Variants in SLC10A7 observed in about 807,000 individuals in gnomAD.
SLC10A7 encodes the protein sodium/bile acid cotransporter 7.
SLC10A7 carries 29 observed loss-of-function variants against 43.2 expected under a neutral mutation model. The observed-to-expected ratio is 0.67, with a 90% CI of 0.50 to 0.92. The LOEUF (loss-of-function observed/expected upper bound fraction) is 0.92. Among genes scored for constraint, SLC10A7 ranks in the 40% least tolerant of loss-of-function variants. The probability of loss-of-function intolerance (pLI) is 0.00; values close to 1 mark genes in which losing one functional copy is unlikely to be tolerated. For missense variants in SLC10A7, 295 were observed against 403.2 expected (o/e 0.73, Z 2.30); for synonymous variants, 152 against 144.8 (o/e 1.05, Z -0.35).
chr4:146,264,778 C>T (rs1728451509), intron 10 of SLC10A7, among the ~76,000 whole-genome samples: 1 of 152,194 alleles, frequency 6.6e-6, no homozygotes, highest in African/African-American at 2.4e-5. Flanking sequence ...TGTTCTTCCA[C>T]CTCTAGATTA....
At chr4:146,473,620 A>G (rs1733778090) in intron 4 of SLC10A7, among the ~76,000 whole-genome samples, 2 of 152,154 alleles carry the variant, frequency 1.3e-5, no homozygotes, top group South Asian at 4.1e-4. Flanking sequence ...TTTAACAGGA[A>G]AAAGTGCTTT....
At chr4:146,421,671 T>C (rs534560948) in intron 5 of SLC10A7, among the ~76,000 whole-genome samples, 1 of 152,322 alleles carries the variant, frequency 6.6e-6, no homozygotes, top group East Asian at 1.9e-4. Flanking sequence ...CATTCATTTA[T>C]TTTTTATGTG....
chr4:146,476,040 G>A (rs569760807), intron 4 of SLC10A7, among the ~76,000 whole-genome samples: 31 of 152,124 alleles, frequency 2.0e-4, no homozygotes, highest in Admixed American at 2.0e-3. Flanking sequence ...AAATCAGAAC[G>A]CTTCCTGAAA....
Position 146,256,252 on chromosome 4 carries a change from T to A in SLC10A7, c.*239A>T, listed in dbSNP as rs920323611. On this transcript the variant is annotated 3_prime_UTR_variant, in exon 12 of 12. Transcript: ENST00000335472. ...TCACTTACCATGACTGATTCCTGCA[T>A]TAGGAAAGCAAAATTAACCCCCAAA... The A allele has an allele frequency of 1.1e-5, 6 of 536,910 alleles. No individual in the cohort carries two copies. Among genetic ancestry groups the A allele is most frequent in the Non-Finnish European group, 2.0e-5 (6 of 300,642 alleles). The allele number at this position is 536,910 out of a possible 1,614,324, so 33.3% of individuals were successfully genotyped here. A position where few individuals can be genotyped will look rare whatever the true frequency, so the allele number is the denominator to read the frequency against.
chr4:146,503,689 T>C (rs545753191), intron 4 of SLC10A7, among the ~76,000 whole-genome samples, 160 bp downstream of exon 4: 1 of 152,320 alleles, frequency 6.6e-6, no homozygotes, highest in Admixed American at 6.5e-5. Context: ...TAATCAATTT[T>C]AGCATCATGC....
At chr4:146,357,882 C>A (rs1252081356) in intron 5 of SLC10A7, among the ~76,000 whole-genome samples, 2 of 152,038 alleles carry the variant, frequency 1.3e-5, no homozygotes, top group East Asian at 3.9e-4. Context: ...TGGCAGTTTT[C>A]CTACAGGTCA....
chr4:146,445,570 G>A (rs6858651), intron 4 of SLC10A7, among the ~76,000 whole-genome samples: 2,682 of 152,248 alleles, frequency 0.018, 70 homozygotes, highest in African/African-American at 0.061. Flanking sequence ...GTCCGTGGAT[G>A]GCTAGGTGTT....
intron 5 of SLC10A7, among the ~76,000 whole-genome samples, chr4:146,411,176 A>C (rs984241643): frequency 7.9e-5 from 12 of 152,146 alleles, no homozygotes; most frequent in Admixed American, 6.6e-4. Flanking sequence ...TTTTCCTTTT[A>C]AATATGTGTC....
intron 4 of SLC10A7, among the ~76,000 whole-genome samples, chr4:146,495,650 T>C (rs1238018323): frequency 6.6e-6 from 1 of 152,168 alleles, no homozygotes; most frequent in Non-Finnish European, 1.5e-5. Context: ...CTCAGACTTC[T>C]ATGACCTTCA....
chr4:146,287,384 A>T (rs1560765261), intron 9 of SLC10A7, among the ~76,000 whole-genome samples: 1 of 152,228 alleles, frequency 6.6e-6, no homozygotes, highest in Admixed American at 6.5e-5. Context: ...CCAAGAATAA[A>T]GAAGTTATCT....
chr4:146,367,364 A>T (rs915327030), intron 5 of SLC10A7, among the ~76,000 whole-genome samples: 1 of 152,202 alleles, frequency 6.6e-6, no homozygotes, highest in African/African-American at 2.4e-5. Context: ...GCCACTAGCC[A>T]CATGTAGCTA....
intron 2 of SLC10A7, among the ~76,000 whole-genome samples, chr4:146,511,832 A>G (rs1290955286): frequency 6.6e-6 from 1 of 152,224 alleles, no homozygotes; most frequent in Non-Finnish European, 1.5e-5. Flanking sequence ...GAGAATTCTC[A>G]ACAGCCTTGA....
At chr4:146,313,047 C>T (rs1326598583) in intron 6 of SLC10A7, among the ~76,000 whole-genome samples, 1 of 152,166 alleles carries the variant, frequency 6.6e-6, no homozygotes, top group Non-Finnish European at 1.5e-5. Context: ...ACCAAAGGAC[C>T]TGCTATTGCT....
At chr4:146,432,951 T>C (rs905560493) in intron 5 of SLC10A7, among the ~76,000 whole-genome samples, 7 of 150,768 alleles carry the variant, frequency 4.6e-5, no homozygotes, top group Non-Finnish European at 1.5e-5. Context: ...GGCAGGAGAA[T>C]AGCGTGAACT....
chr4:146,504,201 G>A (rs1736682158), intron 3 of SLC10A7, among the ~76,000 whole-genome samples: 1 of 151,970 alleles, frequency 6.6e-6, no homozygotes, highest in African/African-American at 2.4e-5. Flanking sequence ...AGCAGTCAAG[G>A]TATAGTGAGT....
intron 10 of SLC10A7, among the ~76,000 whole-genome samples, chr4:146,264,992 A>T (rs979201749): frequency 5.3e-5 from 8 of 152,216 alleles, no homozygotes; most frequent in African/African-American, 1.9e-4. Context: ...ATCCACAGTC[A>T]TTAAAGCCAA....
chr4:146,395,575 A>G (rs1292738707), intron 5 of SLC10A7, among the ~76,000 whole-genome samples: 1 of 152,202 alleles, frequency 6.6e-6, no homozygotes, highest in Non-Finnish European at 1.5e-5. Context: ...AGAACAATTT[A>G]CTGCACAAAT....
chr4:146,481,686 A>G (rs1392268687), intron 4 of SLC10A7, among the ~76,000 whole-genome samples: 2 of 152,206 alleles, frequency 1.3e-5, no homozygotes, highest in Admixed American at 1.3e-4. Context: ...CTTCAGAGCA[A>G]CGGACCCCAG....
chr4:146,344,319 C>T (rs974163377), intron 5 of SLC10A7, among the ~76,000 whole-genome samples: 2 of 152,004 alleles, frequency 1.3e-5, no homozygotes, highest in Non-Finnish European at 2.9e-5. Context: ...GAATCTCTAC[C>T]AACACTACAA....
Sources: gnomAD v4.1 joint callset for allele counts (sites outside exome capture counted in the v4.1 genomes callset) on GRCh38, gnomAD v4.1.1 for gene constraint, MANE v1.5 for transcripts, NCBI Gene and HGNC (gene_info 2026-07-23, HGNC 2026-07-21) for gene names.